The following ARPC1A variants were observed in gnomAD, a reference collection of about 807,000 sequenced individuals.
ARPC1A encodes the protein actin related protein 2/3 complex subunit 1A.
ARPC1A carries 8 observed loss-of-function variants against 46.9 expected under a neutral mutation model. The ratio of observed to expected loss-of-function variants is 0.17; its 90% CI spans 0.10 to 0.31. The LOEUF (loss-of-function observed/expected upper bound fraction) is 0.31, where lower values mean the gene tolerates loss of function less well. Ranked by LOEUF, ARPC1A falls within the 10% of genes least tolerant of loss-of-function variation. ARPC1A has a pLI of 1.00. For synonymous variants in ARPC1A, 152 were observed against 169.0 expected (o/e 0.90, Z 0.78); for missense variants, 286 against 483.6 (o/e 0.59, Z 3.83).
Position 99,337,324 on chromosome 7 carries a change from G to A in ARPC1A, c.65-857G>A, listed in dbSNP as rs1023232738. ...TAATCCCAGCTACTTCGGAGGCTAAGGCAGGAGAATCGCTTGAACCTGGGA... is the reference window on the plus strand; with the variant it reads ...TAATCCCAGCTACTTCGGAGGCTAAAGCAGGAGAATCGCTTGAACCTGGGA... On this transcript the variant is annotated intron_variant, in intron 2 of 9. Coordinates refer to ENST00000262942, the MANE Select transcript of ARPC1A (RefSeq NM_006409.4). Among the ~76,000 whole-genome samples, 12 of 152,310 alleles carry A rather than the reference G, an allele frequency of 7.9e-5. No homozygotes were observed. The South Asian group carries it at 2.5e-3, about 32-fold the overall frequency.
chr7:99,338,369 G>A, intron 3 of ARPC1A, 84 bp downstream of exon 3: 2 of 895,166 alleles, frequency 2.2e-6, no homozygotes, highest in Non-Finnish European at 3.1e-6. Context: ...ATAAACCCAG[G>A]TGGCCATAAT....
chr7:99,365,932 C>T lies in ARPC1A; in HGVS notation c.*3C>T, dbSNP rs377614883. On this transcript the variant is annotated 3_prime_UTR_variant, in exon 10 of 10. Transcript: ENST00000262942. ...TCCAGGGCCTCCGGATAATGTGAAG[C>T]TGAGTGAGCCTCCGCCATCCAGCAT... The T allele has an allele frequency of 1.8e-5, 29 of 1,570,570 alleles. No individual in the cohort carries two copies. The highest frequency in any genetic ancestry group is 1.3e-4 in the Admixed American group (7 of 53,970).
chr7:99,345,124 A>C (rs910902472), intron 4 of ARPC1A, among the ~76,000 whole-genome samples: 5 of 151,390 alleles, frequency 3.3e-5, no homozygotes, highest in African/African-American at 1.2e-4. Flanking sequence ...TAGTAGAGAC[A>C]AGGTTTCACC....
chr7:99,336,155 A>G (rs939013091), intron 2 of ARPC1A, among the ~76,000 whole-genome samples: 1 of 152,160 alleles, frequency 6.6e-6, no homozygotes, highest in Non-Finnish European at 1.5e-5. Flanking sequence ...GCAAGCTATC[A>G]TTGTCCTCAT....
At chr7:99,359,388 AT>A (rs1762434474) in intron 7 of ARPC1A, 156 bp from the exon 8 acceptor site, 6 of 710,668 alleles carry the variant, frequency 8.4e-6, no homozygotes, top group Non-Finnish European at 1.4e-5. Flanking sequence ...GTGACCTGAG[AT>A]TGTGCCACTG....
chr7:99,341,691 G>T (rs1364823017), intron 3 of ARPC1A, among the ~76,000 whole-genome samples: 5 of 151,388 alleles, frequency 3.3e-5, no homozygotes, highest in Admixed American at 6.6e-5. Context: ...AAAGATGAAA[G>T]ACCAAAGAAA....
intron 8 of ARPC1A, chr7:99,363,334 T>G (rs558089165): frequency 5.7e-6 from 3 of 526,426 alleles, no homozygotes; most frequent in Non-Finnish European, 6.6e-6. Flanking sequence ...AATCCCAGCA[T>G]TTTGGGAGAC....
At chr7:99,356,297 ATATT>A (rs996069049) in intron 6 of ARPC1A, among the ~76,000 whole-genome samples, 1 of 152,194 alleles carries the variant, frequency 6.6e-6, no homozygotes, top group African/African-American at 2.4e-5. Context: ...CTAGTTTTAC[ATATT>A]TTTTTAAAGA....
chr7:99,347,812 A>G (rs1793480439), intron 4 of ARPC1A, among the ~76,000 whole-genome samples: 1 of 151,648 alleles, frequency 6.6e-6, no homozygotes, highest in East Asian at 1.9e-4. Flanking sequence ...CTGGACAACA[A>G]GAGCGAAACT....
At chr7:99,365,832 T>A in intron 9 of ARPC1A, 59 bp from the exon 10 acceptor site, 1 of 1,512,388 alleles carries the variant, frequency 6.6e-7, no homozygotes. Context: ...AGTGGTGTCA[T>A]ACCTACCTCG....
In ARPC1A at chr7:99,348,877, C is replaced by T; in HGVS notation, c.418C>T (p.Pro140Ser). 6.2e-7 allele frequency: 1 copy of T among 1,613,844 alleles called. No homozygotes were observed. The highest frequency in any genetic ancestry group is 8.5e-7 in the Non-Finnish European group (1 of 1,179,880). Residue 140 changes from proline (P) to serine (S), a missense_variant, in exon 5 of 10, where the codon CCG (proline) becomes TCG (serine). Pro to Ser is a moderately conservative substitution (Grantham distance 74, BLOSUM62 -1). Around this residue, in one of 5 missense-constraint regions of ARPC1A, gnomAD observed 11 missense variants for 32.4 expected, o/e 0.34. Transcript: ENST00000262942. ...GTGGGTGAGCAAGCACATTAAAAAG[C>T]CGATTCGCTCCACAGTCCTCAGCTT... ...DWWVSKHIKK[P>S]IRSTVLSLDW...
At chr7:99,331,694 G>A (rs1435963826) in intron 1 of ARPC1A, among the ~76,000 whole-genome samples, 1 of 152,116 alleles carries the variant, frequency 6.6e-6, no homozygotes, top group Non-Finnish European at 1.5e-5. Context: ...TGAGGAGGGC[G>A]GGTCACTTGA....
chr7:99,364,939 G>A lies in ARPC1A; in HGVS notation c.1075-952G>A, dbSNP rs758062506. Among the ~76,000 whole-genome samples the A allele has an allele frequency of 3.3e-5, 5 of 152,174 alleles. No homozygotes were observed. The South Asian group carries it at 1.0e-3, about 32-fold the overall frequency. On this transcript the variant is annotated intron_variant, in intron 9 of 9. Transcript: ENST00000262942. ...CTGTTTTCACACAGAGGAATCTAGG[G>A]GGATGCGTGGACTGCAGGGAACAGG...
chr7:99,349,630 A>C (rs1191546713), intron 5 of ARPC1A, among the ~76,000 whole-genome samples: 1 of 152,062 alleles, frequency 6.6e-6, no homozygotes, highest in African/African-American at 2.4e-5. Context: ...CAAGGTCAGG[A>C]GATCGAGACC....
intron 1 of ARPC1A, among the ~76,000 whole-genome samples, chr7:99,328,028 G>A (rs1211130052): frequency 2.6e-5 from 4 of 152,170 alleles, no homozygotes; most frequent in Non-Finnish European, 5.9e-5. Flanking sequence ...ATATGTCAAC[G>A]TTTCCAAGCT....
At chr7:99,327,737 T>A (rs182858632) in intron 1 of ARPC1A, among the ~76,000 whole-genome samples, 83 of 152,306 alleles carry the variant, frequency 5.4e-4, no homozygotes, top group Non-Finnish European at 1.0e-3. Flanking sequence ...GGAGTGGTGA[T>A]ACTTTGATCT....
rs1793707443 is a variant in ARPC1A at position 99,359,698 on chromosome 7, C to T, written c.943C>T (p.Arg315Cys). ...GGACAAGAGAGCCACAACTGAGGAC[C>T]GCAACACGGCCTTGGAGACGCTGCA... ...NMDKRATTED[R>C]NTALETLHQN... Residue 315 changes from arginine (R) to cysteine (C), a missense_variant, in exon 8 of 10, where the codon CGC becomes TGC. This residue lies in a region of ARPC1A where 182 missense variants were observed against 276.7 expected (regional missense o/e 0.66). Coordinates refer to ENST00000262942, the MANE Select transcript of ARPC1A (RefSeq NM_006409.4). The T allele has an allele frequency of 2.5e-6, 4 of 1,614,172 alleles. No individual in the cohort carries two copies. The highest frequency in any genetic ancestry group is 3.4e-6 in the Non-Finnish European group (4 of 1,180,040).
In ARPC1A at chr7:99,335,930, G is replaced by A. The variant is rs12539117; in HGVS notation, c.65-2251G>A. Among the ~76,000 whole-genome samples, 206 of 151,916 alleles carry A rather than the reference G, an allele frequency of 1.4e-3. 3 individuals carry two copies. The highest frequency in any genetic ancestry group is 0.012 in the Admixed American group (187 of 15,240). The stretch of plus-strand genomic sequence containing the variant: ...GATTGTGCCACCGCACTCCAGCCTT[G>A]GCAACAGAGTGAGACTCAGTCTCAA... On this transcript the variant is annotated intron_variant, in intron 2 of 9. Transcript: ENST00000262942.
chr7:99,335,323 T>G (rs923691989), intron 2 of ARPC1A: 1 of 385,484 alleles, frequency 2.6e-6, no homozygotes, highest in African/African-American at 2.2e-5. Flanking sequence ...CTGCACCTTT[T>G]GTTGAAAACT....
Sources: gnomAD v4.1 joint callset for allele counts (sites outside exome capture counted in the v4.1 genomes callset) on GRCh38, gnomAD v4.1.1 for gene constraint, gnomAD v4.1.1 regional missense constraint, MANE v1.5 for transcripts, NCBI Gene and HGNC (gene_info 2026-07-23, HGNC 2026-07-21) for gene names.